The following ERC2 variants were observed in gnomAD, a reference collection of about 807,000 sequenced individuals.
ERC2 encodes ERC protein 2.
ERC2 carries 42 observed loss-of-function variants against 114.8 expected under a neutral mutation model. That is an observed-to-expected ratio of 0.37 (90% CI 0.29 to 0.47). The LOEUF (loss-of-function observed/expected upper bound fraction) is 0.47, where lower values mean the gene tolerates loss of function less well. Ranked by LOEUF, ERC2 falls within the 20% of genes least tolerant of loss-of-function variation. The pLI, the probability that ERC2 is intolerant of heterozygous loss-of-function variation, is 0.99. For missense variants in ERC2, 939 were observed against 1,150.7 expected (o/e 0.82, Z 2.66); for synonymous variants, 454 against 425.5 (o/e 1.07, Z -0.82).
intron 17 of ERC2, among the ~76,000 whole-genome samples, chr3:55,554,486 G>A (rs930866652): frequency 2.0e-5 from 3 of 152,184 alleles, no homozygotes; most frequent in African/African-American, 7.2e-5. Flanking sequence ...CCAGGCTGAA[G>A]CCGGACTCCT....
intron 4 of ERC2, among the ~76,000 whole-genome samples, chr3:56,156,563 G>A (rs2081733103): frequency 6.6e-6 from 1 of 152,092 alleles, no homozygotes; most frequent in South Asian, 2.1e-4. Flanking sequence ...TTGGGTGCAG[G>A]GTACTCTGAG....
chr3:55,700,711 G>A (rs1210673537), intron 15 of ERC2, among the ~76,000 whole-genome samples: 1 of 151,988 alleles, frequency 6.6e-6, no homozygotes, highest in East Asian at 1.9e-4. Flanking sequence ...TAATCTAGGA[G>A]CCTTTTCCTC....
chr3:56,173,852 C>T (rs2082820965), intron 3 of ERC2: 1 of 237,704 alleles, frequency 4.2e-6, no homozygotes, highest in African/African-American at 2.3e-5. Context: ...AATTACATTA[C>T]TCTGTGCTCC....
At chr3:55,537,598 G>A (rs1036528384) in intron 17 of ERC2, among the ~76,000 whole-genome samples, 4 of 152,248 alleles carry the variant, frequency 2.6e-5, no homozygotes, top group East Asian at 1.9e-4. Context: ...AGCTCTCCCC[G>A]CTTACAAAGG....
chr3:56,437,000 T>G (rs1184256444), intron 1 of ERC2, among the ~76,000 whole-genome samples: 3 of 152,248 alleles, frequency 2.0e-5, no homozygotes, highest in African/African-American at 4.8e-5. Flanking sequence ...AGGTGACTGA[T>G]TGCATTAAAG....
chr3:56,414,811 C>T (rs541374316), intron 2 of ERC2, among the ~76,000 whole-genome samples: 1 of 152,098 alleles, frequency 6.6e-6, no homozygotes, highest in South Asian at 2.1e-4. Flanking sequence ...CCCCCAGGTA[C>T]AGAGTTTTCA....
chr3:55,621,703 C>A (rs921132806), intron 17 of ERC2, among the ~76,000 whole-genome samples: 2 of 152,130 alleles, frequency 1.3e-5, no homozygotes, highest in Non-Finnish European at 2.9e-5. Flanking sequence ...GGGAGGTGGT[C>A]AGGGGAGATT....
chr3:55,671,073 C>G (rs1276050488), intron 17 of ERC2, among the ~76,000 whole-genome samples: 1 of 152,144 alleles, frequency 6.6e-6, no homozygotes, highest in Non-Finnish European at 1.5e-5. Flanking sequence ...CTAACTTGAC[C>G]AGACTTTGAG....
At chr3:56,182,089 A>G (rs1033699791) in intron 3 of ERC2, among the ~76,000 whole-genome samples, 1 of 152,218 alleles carries the variant, frequency 6.6e-6, no homozygotes, top group Non-Finnish European at 1.5e-5. Flanking sequence ...GTAATGTGTT[A>G]TGCAGCCATA....
At chr3:56,391,850 C>A (rs2060140773) in intron 2 of ERC2, among the ~76,000 whole-genome samples, 1 of 152,086 alleles carries the variant, frequency 6.6e-6, no homozygotes, top group South Asian at 2.1e-4. Context: ...TACCTATGGG[C>A]TTTAGGGAAA....
At chr3:55,971,800 C>T (rs899817944) in intron 12 of ERC2, among the ~76,000 whole-genome samples, 3 of 152,218 alleles carry the variant, frequency 2.0e-5, no homozygotes, top group African/African-American at 4.8e-5. Flanking sequence ...GTTGCCTCCT[C>T]ATAGCCAAAA....
intron 14 of ERC2, among the ~76,000 whole-genome samples, chr3:55,870,238 C>A (rs1037295442): frequency 6.6e-6 from 1 of 152,082 alleles, no homozygotes; most frequent in Non-Finnish European, 1.5e-5. Flanking sequence ...CCACGCCTGG[C>A]TAATTTTTAG....
chr3:55,749,201 T>G (rs771789751), intron 14 of ERC2, among the ~76,000 whole-genome samples: 1 of 152,034 alleles, frequency 6.6e-6, no homozygotes, highest in Non-Finnish European at 1.5e-5. Context: ...AACCACTTAG[T>G]GAGAAAACAT....
chr3:56,005,610 C>G (rs896922449), intron 10 of ERC2, among the ~76,000 whole-genome samples: 1 of 151,864 alleles, frequency 6.6e-6, no homozygotes, highest in South Asian at 2.1e-4. Context: ...ATAAATGGAG[C>G]CCCCGATCTC....
intron 17 of ERC2, among the ~76,000 whole-genome samples, chr3:55,569,409 G>A (rs999446759): frequency 5.3e-5 from 8 of 152,170 alleles, no homozygotes; most frequent in African/African-American, 9.7e-5. Flanking sequence ...TCCCTATGCC[G>A]AAGGGGCAGG....
At chr3:56,210,787 C>T (rs1028841708) in intron 3 of ERC2, among the ~76,000 whole-genome samples, 2 of 152,174 alleles carry the variant, frequency 1.3e-5, no homozygotes, top group Non-Finnish European at 2.9e-5. Context: ...TAATAGAAGA[C>T]AACCTGTATC....
At chr3:55,879,088 TC>T (rs2062997031) in intron 14 of ERC2, among the ~76,000 whole-genome samples, 1 of 80,402 alleles carries the variant, frequency 1.2e-5, no homozygotes, top group African/African-American at 4.5e-5. Flanking sequence ...TCTTTTTTTT[TC>T]TTTTTCTTAA....
intron 1 of ERC2, among the ~76,000 whole-genome samples, chr3:56,439,887 C>T (rs910245243): frequency 6.6e-6 from 1 of 151,908 alleles, no homozygotes; most frequent in Non-Finnish European, 1.5e-5. Context: ...AAATACCTTG[C>T]TGTTTTTATT....
intron 2 of ERC2, among the ~76,000 whole-genome samples, chr3:56,347,979 A>G (rs1449171316): frequency 6.6e-6 from 1 of 152,202 alleles, no homozygotes; most frequent in African/African-American, 2.4e-5. Context: ...CAGCAATTTC[A>G]AAAATAAGCC....
Sources: gnomAD v4.1 joint callset for allele counts (sites outside exome capture counted in the v4.1 genomes callset) on GRCh38, gnomAD v4.1.1 for gene constraint, MANE v1.5 for transcripts, NCBI Gene and HGNC (gene_info 2026-07-23, HGNC 2026-07-21) for gene names.